NRXN3: variants seen among roughly 807,000 people sequenced by gnomAD.
The protein encoded by NRXN3 is neurexin III.
A neutral mutation model predicts 137.6 loss-of-function variants in NRXN3; 32 were observed. That is an observed-to-expected ratio of 0.23 (90% confidence interval 0.18 to 0.31). NRXN3 has a LOEUF of 0.31. Ranked by LOEUF, NRXN3 falls within the 10% of genes least tolerant of loss-of-function variation. NRXN3 has a pLI of 1.00. For synonymous variants in NRXN3, 798 were observed against 784.5 expected (o/e 1.02, Z -0.29); for missense variants, 1,574 against 2,062.5 (o/e 0.76, Z 4.59).
chr14:78,452,864 G>A (rs952998763), intron 4 of NRXN3, among the ~76,000 whole-genome samples: 1 of 152,148 alleles, frequency 6.6e-6, no homozygotes, highest in Non-Finnish European at 1.5e-5. Flanking sequence ...GAGTCAACTT[G>A]TATGATAAGC....
chr14:78,333,947 G>A (rs539017380), intron 4 of NRXN3, among the ~76,000 whole-genome samples: 8 of 152,234 alleles, frequency 5.3e-5, no homozygotes, highest in Non-Finnish European at 7.4e-5. Flanking sequence ...AGTGGACGGC[G>A]TGAGAGTGGT....
Position 79,738,315 on chromosome 14 carries a change from CCACACACACACACA to C in NRXN3, c.4014+40405_4014+40418del, listed in dbSNP as rs10539564. ...TGAGGCAGAGGGGGCATTTCCCCCG[CCACACACACACACA>C]CACACACACACACACACACACACAC... On this transcript the variant is annotated intron_variant, in intron 19 of 20. Transcript: ENST00000335750. Among the ~76,000 whole-genome samples, 208 of 138,052 alleles carry C rather than the reference CCACACACACACACA, an allele frequency of 1.5e-3. 1 individual carries two copies. The highest frequency in any genetic ancestry group is 5.0e-3 in the African/African-American group (181 of 36,316). The allele number at this position is 138,052 out of a possible 152,430, so 90.6% of individuals were successfully genotyped here.
rs566838595 is a variant in NRXN3, at chr14:78,781,089, C to T, written c.2045-22531C>T. Among the ~76,000 whole-genome samples, 38 of 152,184 alleles carry T rather than the reference C, an allele frequency of 2.5e-4. No homozygotes were observed. In the South Asian group the frequency reaches 7.1e-3, roughly 28 times the overall value. On this transcript the variant is annotated intron_variant, in intron 8 of 20. Coordinates refer to ENST00000335750, the MANE Select transcript of NRXN3 (RefSeq NM_001330195.2). The stretch of plus-strand genomic sequence containing the variant: ...AATATAATAACATCCAATACTGGAG[C>T]AGAACAAATGAGAGCTACATGCAAC...
intron 4 of NRXN3, among the ~76,000 whole-genome samples, chr14:78,506,912 G>C (rs774742220): frequency 2.0e-5 from 3 of 151,916 alleles, no homozygotes; most frequent in Non-Finnish European, 4.4e-5. Context: ...GGCCATTTTT[G>C]TGTGTTTTTG....
At chr14:79,556,151 T>A (rs2153759700) in intron 16 of NRXN3, among the ~76,000 whole-genome samples, 1 of 152,210 alleles carries the variant, frequency 6.6e-6, no homozygotes, top group African/African-American at 2.4e-5. Flanking sequence ...CAGAACATCA[T>A]TAGGAGGGTG....
chr14:79,030,274 A>T (rs2152486648), intron 15 of NRXN3, among the ~76,000 whole-genome samples: 1 of 151,974 alleles, frequency 6.6e-6, no homozygotes, highest in East Asian at 1.9e-4. Flanking sequence ...AAAATCTCTA[A>T]ACATTGCCAA....
At chr14:78,362,681 T>C (rs2085309609) in intron 4 of NRXN3, among the ~76,000 whole-genome samples, 1 of 152,208 alleles carries the variant, frequency 6.6e-6, no homozygotes, top group African/African-American at 2.4e-5. Flanking sequence ...TATAAGAATT[T>C]GGTTTTGTTT....
intron 4 of NRXN3, among the ~76,000 whole-genome samples, chr14:78,641,815 C>T (rs1444856813): frequency 2.0e-5 from 3 of 152,192 alleles, no homozygotes; most frequent in African/African-American, 7.2e-5. Flanking sequence ...GGTATAGTTG[C>T]ATGGAGATTA....
intron 15 of NRXN3, among the ~76,000 whole-genome samples, chr14:79,139,154 A>T (rs762155770): frequency 7.2e-5 from 11 of 152,352 alleles, no homozygotes; most frequent in Non-Finnish European, 1.5e-4. Flanking sequence ...GGAGCATTTT[A>T]AGTGTCCAGT....
At chr14:78,202,467 G>A (rs934603253) in intron 1 of NRXN3, among the ~76,000 whole-genome samples, 1 of 152,182 alleles carries the variant, frequency 6.6e-6, no homozygotes, top group Non-Finnish European at 1.5e-5. Flanking sequence ...GCTGCCGGGG[G>A]CCTTCCCTGA....
intron 16 of NRXN3, among the ~76,000 whole-genome samples, chr14:79,610,328 G>C (rs907314095): frequency 3.3e-5 from 5 of 152,134 alleles, no homozygotes; most frequent in African/African-American, 1.2e-4. Context: ...AACTTCAGGT[G>C]GTGGTATTAG....
At chr14:79,762,715 C>T (rs938367163) in intron 19 of NRXN3, among the ~76,000 whole-genome samples, 3 of 151,498 alleles carry the variant, frequency 2.0e-5, no homozygotes, top group Admixed American at 6.6e-5. Context: ...TTATTGGTTT[C>T]GTGCGATGCC....
At chr14:78,814,301 G>A (rs2153106447) in intron 10 of NRXN3, among the ~76,000 whole-genome samples, 1 of 152,230 alleles carries the variant, frequency 6.6e-6, no homozygotes, top group African/African-American at 2.4e-5. Flanking sequence ...GAACTACAGG[G>A]TGACCTGGAA....
intron 15 of NRXN3, among the ~76,000 whole-genome samples, chr14:79,240,042 A>C (rs11623804): frequency 0.97 from 148,151 of 152,082 alleles, 72,287 homozygotes; most frequent in Middle Eastern, 1. Flanking sequence ...TCAAATGGTA[A>C]AAAATTTTAG....
chr14:79,677,520 G>A (rs2098647081), intron 17 of NRXN3, among the ~76,000 whole-genome samples: 1 of 152,058 alleles, frequency 6.6e-6, no homozygotes, highest in African/African-American at 2.4e-5. Context: ...TGGTATGGGT[G>A]GCACTGGATC....
At position 79,843,376 on chromosome 14, in the gene NRXN3, A is replaced by G. The variant is rs186116941; in HGVS notation, c.4094-17966A>G. On this transcript the variant is annotated intron_variant, in intron 20 of 20. Transcript: ENST00000335750. ...GCTAGTGATCAACAGTATTCAGCGA[A>G]TGTTTTTGCTGGTAGAGGGTCCCGT... Among the ~76,000 whole-genome samples the G allele has an allele frequency of 4.3e-4, 65 of 152,328 alleles. No individual in the cohort carries two copies. The East Asian group carries it at 0.012, about 27-fold the overall frequency.
intron 14 of NRXN3, among the ~76,000 whole-genome samples, chr14:78,981,385 G>A (rs545324507): frequency 6.6e-6 from 1 of 152,304 alleles, no homozygotes; most frequent in East Asian, 1.9e-4. Flanking sequence ...GAGAGGTTAG[G>A]TGAGTGGGCT....
chr14:79,551,352 A>G (rs542333573), intron 16 of NRXN3, among the ~76,000 whole-genome samples: 1 of 152,292 alleles, frequency 6.6e-6, no homozygotes, highest in East Asian at 1.9e-4. Context: ...ACATGGAAAT[A>G]GTAAAAACAA....
chr14:78,556,240 C>T (rs147574612), intron 4 of NRXN3, among the ~76,000 whole-genome samples: 3 of 152,314 alleles, frequency 2.0e-5, no homozygotes, highest in Admixed American at 2.0e-4. Flanking sequence ...CTAATTCATA[C>T]ATCTATTATG....
Sources: gnomAD v4.1 joint callset for allele counts (sites outside exome capture counted in the v4.1 genomes callset) on GRCh38, gnomAD v4.1.1 for gene constraint, MANE v1.5 for transcripts, NCBI Gene and HGNC (gene_info 2026-07-23, HGNC 2026-07-21) for gene names.